TRPC4: variants seen among roughly 807,000 people sequenced by gnomAD.
TRPC4 encodes the protein short transient receptor potential channel 4.
A neutral mutation model predicts 99.4 loss-of-function variants in TRPC4; 49 were observed. The observed-to-expected ratio is 0.49, with a 90% confidence interval of 0.39 to 0.63. The LOEUF (loss-of-function observed/expected upper bound fraction) is 0.63, where lower values mean the gene tolerates loss of function less well. Among genes scored for constraint, TRPC4 ranks in the 20% least tolerant of loss-of-function variants. TRPC4 has a pLI of 0.00. For synonymous variants in TRPC4, 454 were observed against 425.9 expected (o/e 1.07, Z -0.81); for missense variants, 898 against 1,152.9 (o/e 0.78, Z 3.20).
intron 3 of TRPC4, among the ~76,000 whole-genome samples, chr13:37,700,567 G>A (rs1593540945): frequency 6.6e-6 from 1 of 152,282 alleles, no homozygotes; most frequent in East Asian, 1.9e-4. Flanking sequence ...GAAATAAAAT[G>A]ATATAAGCGC....
rs143144461 is a variant in TRPC4, at chr13:37,808,817, GA to G, written c.-27-25458del. Among the ~76,000 whole-genome samples, 12 of 152,094 alleles carry G rather than the reference GA, an allele frequency of 7.9e-5. No individual in the cohort carries two copies. The East Asian group carries it at 2.3e-3, about 29-fold the overall frequency. On this transcript the variant is annotated intron_variant, in intron 1 of 10. Transcript: ENST00000379705. ...CCTTTCTCTCCCTTCCACAGATGTAGATTCCAAAGGCATTCCTTAATAAATA... is the reference window on the plus strand; with the variant it reads ...CCTTTCTCTCCCTTCCACAGATGTAGTTCCAAAGGCATTCCTTAATAAATA...
chr13:37,645,143 T>C (rs1443009783), intron 8 of TRPC4, among the ~76,000 whole-genome samples: 1 of 151,976 alleles, frequency 6.6e-6, no homozygotes, highest in East Asian at 2.0e-4. Flanking sequence ...AAGGAGAAGA[T>C]GAGGGCATAC....
intron 1 of TRPC4, among the ~76,000 whole-genome samples, chr13:37,861,656 A>G (rs1959339560): frequency 6.6e-6 from 1 of 151,614 alleles, no homozygotes; most frequent in Non-Finnish European, 1.5e-5. Context: ...TTGTTCCAAG[A>G]ACGTGCTGGA....
intron 2 of TRPC4, among the ~76,000 whole-genome samples, chr13:37,770,744 A>G (rs1024768602): frequency 1.3e-5 from 2 of 151,660 alleles, no homozygotes; most frequent in African/African-American, 4.8e-5. Context: ...TTAAAGTTTA[A>G]GCATTTTATT....
intron 3 of TRPC4, among the ~76,000 whole-genome samples, chr13:37,735,974 C>G (rs572957170): frequency 6.6e-6 from 1 of 152,208 alleles, no homozygotes; most frequent in Admixed American, 6.5e-5. Context: ...TTTGGACACA[C>G]ACAATTTCAA....
chr13:37,817,721 A>T (rs1427925189), intron 1 of TRPC4, among the ~76,000 whole-genome samples: 1 of 151,880 alleles, frequency 6.6e-6, no homozygotes, highest in Non-Finnish European at 1.5e-5. Flanking sequence ...AAAGAACCAA[A>T]AAAAAAGGCT....
At chr13:37,774,601 A>T (rs1175157859) in intron 2 of TRPC4, among the ~76,000 whole-genome samples, 1 of 151,658 alleles carries the variant, frequency 6.6e-6, no homozygotes, top group African/African-American at 2.4e-5. Context: ...TTTATTACCC[A>T]TGTATTACAC....
At chr13:37,642,730 CTTTTTCTTTTTT>C (rs1346872798) in intron 8 of TRPC4, among the ~76,000 whole-genome samples, 1 of 22,640 alleles carries the variant, frequency 4.4e-5, no homozygotes, top group African/African-American at 1.7e-4. Context: ...ATGATTCTTT[CTTTTTCTTTTTT>C]TTTTTTTTTT....
intron 3 of TRPC4, among the ~76,000 whole-genome samples, chr13:37,716,935 G>A (rs1429317601): frequency 1.3e-5 from 2 of 150,514 alleles, no homozygotes; most frequent in Non-Finnish European, 3.0e-5. Flanking sequence ...GAGAAGTCTG[G>A]TGGGGACGGT....
intron 1 of TRPC4, among the ~76,000 whole-genome samples, chr13:37,862,941 T>C (rs1959480553): frequency 6.6e-6 from 1 of 151,466 alleles, no homozygotes; most frequent in African/African-American, 2.4e-5. Flanking sequence ...AAGATTATAA[T>C]ACTGTATTTT....
chr13:37,782,044 A>C (rs1956854712), intron 2 of TRPC4, among the ~76,000 whole-genome samples: 2 of 152,142 alleles, frequency 1.3e-5, no homozygotes, highest in Admixed American at 6.6e-5. Flanking sequence ...TTTACTTTAA[A>C]AGACAGATTT....
At chr13:37,720,040 G>T (rs1954815820) in intron 3 of TRPC4, among the ~76,000 whole-genome samples, 1 of 151,940 alleles carries the variant, frequency 6.6e-6, no homozygotes, top group African/African-American at 2.4e-5. Context: ...CTGCTGAGAA[G>T]GACTCAACCT....
At chr13:37,829,471 A>G (rs918879036) in intron 1 of TRPC4, among the ~76,000 whole-genome samples, 1 of 152,228 alleles carries the variant, frequency 6.6e-6, no homozygotes, top group Non-Finnish European at 1.5e-5. Flanking sequence ...AAAACAACCC[A>G]GAAAATAGCA....
chr13:37,832,258 C>T (rs1331340719), intron 1 of TRPC4, among the ~76,000 whole-genome samples: 2 of 152,102 alleles, frequency 1.3e-5, no homozygotes, highest in Admixed American at 1.3e-4. Flanking sequence ...CTAAAAAATA[C>T]TCAATTTGGC....
At chr13:37,856,411 C>A (rs776693958) in intron 1 of TRPC4, among the ~76,000 whole-genome samples, 1 of 148,680 alleles carries the variant, frequency 6.7e-6, no homozygotes, top group African/African-American at 2.5e-5. Context: ...AAAAAAAGCC[C>A]AGGATCTGAT....
intron 1 of TRPC4, among the ~76,000 whole-genome samples, chr13:37,813,416 CAG>C (rs2139488607): frequency 6.6e-6 from 1 of 150,746 alleles, no homozygotes; most frequent in East Asian, 2.0e-4. Flanking sequence ...AAATAGAGAA[CAG>C]AGAAACAATA....
At chr13:37,684,290 CTATG>C (rs1163794599) in intron 4 of TRPC4, among the ~76,000 whole-genome samples, 1 of 152,064 alleles carries the variant, frequency 6.6e-6, no homozygotes, top group Non-Finnish European at 1.5e-5. Flanking sequence ...GCTTAAACCA[CTATG>C]GGTTTTGACA....
intron 2 of TRPC4, among the ~76,000 whole-genome samples, chr13:37,771,179 G>A (rs560752835): frequency 6.6e-6 from 1 of 151,642 alleles, no homozygotes; most frequent in African/African-American, 2.4e-5. Flanking sequence ...ATTCCTTGAG[G>A]TCAGGAGCTC....
At chr13:37,643,721 C>T (rs2138561112) in intron 8 of TRPC4, among the ~76,000 whole-genome samples, 1 of 152,230 alleles carries the variant, frequency 6.6e-6, no homozygotes, top group South Asian at 2.1e-4. Flanking sequence ...TCAGATGGCA[C>T]ATGAATCCAG....
Sources: gnomAD v4.1 joint callset for allele counts (sites outside exome capture counted in the v4.1 genomes callset) on GRCh38, gnomAD v4.1.1 for gene constraint, MANE v1.5 for transcripts, NCBI Gene and HGNC (gene_info 2026-07-23, HGNC 2026-07-21) for gene names.